The following GAREM1 variants were observed in gnomAD, a reference collection of about 807,000 sequenced individuals.
The protein encoded by GAREM1 is GRB2-associated and regulator of MAPK protein 1.
Under a neutral mutation model 71.3 loss-of-function variants are expected in GAREM1, and 26 were observed. The observed-to-expected ratio is 0.36, with a 90% confidence interval of 0.27 to 0.51. The LOEUF (loss-of-function observed/expected upper bound fraction) is 0.51. Ranked by LOEUF, GAREM1 falls within the 20% of genes least tolerant of loss-of-function variation. The pLI is 0.95. For missense variants in GAREM1, 1,026 were observed against 1,103.1 expected, an observed-to-expected ratio of 0.93 and a Z score of 0.99; for synonymous variants, 440 against 433.2, an observed-to-expected ratio of 1.02 and a Z score of -0.20.
intron 5 of GAREM1, among the ~76,000 whole-genome samples, chr18:32,269,183 C>T (rs2041420672): frequency 6.6e-6 from 1 of 152,178 alleles, no homozygotes; most frequent in South Asian, 2.1e-4. Flanking sequence ...GCTTGTGCTA[C>T]AGTGACATGA....
chr18:32,390,613 C>T (rs10502595), intron 2 of GAREM1, among the ~76,000 whole-genome samples: 10,194 of 152,224 alleles, frequency 0.067, 468 homozygotes, highest in Middle Eastern at 0.12. Flanking sequence ...TAATCCGTCA[C>T]CTTCCTTATG....
intron 2 of GAREM1, among the ~76,000 whole-genome samples, chr18:32,324,340 G>T (rs1240310328): frequency 2.0e-5 from 3 of 152,136 alleles, no homozygotes; most frequent in Admixed American, 2.0e-4. Flanking sequence ...ATTGAAACAT[G>T]ACCCTGTTCT....
chr18:32,381,645 T>A (rs2048099152), intron 2 of GAREM1, among the ~76,000 whole-genome samples: 1 of 152,164 alleles, frequency 6.6e-6, no homozygotes, highest in Non-Finnish European at 1.5e-5. Context: ...CATCTTCTCA[T>A]CCTCCACTCC....
chr18:32,406,500 G>T (rs143072798), intron 1 of GAREM1, among the ~76,000 whole-genome samples: 1 of 152,268 alleles, frequency 6.6e-6, no homozygotes, highest in Non-Finnish European at 1.5e-5. Context: ...GTGGTGGGGG[G>T]AAAGAGGTGA....
intron 2 of GAREM1, among the ~76,000 whole-genome samples, chr18:32,343,517 T>C (rs1434558809): frequency 6.6e-6 from 1 of 151,944 alleles, no homozygotes; most frequent in Admixed American, 6.6e-5. Flanking sequence ...GCCAGACCGG[T>C]CTTGAACTCC....
intron 1 of GAREM1, among the ~76,000 whole-genome samples, chr18:32,421,456 C>G (rs1338171312): frequency 6.6e-6 from 1 of 152,164 alleles, no homozygotes; most frequent in East Asian, 1.9e-4. Flanking sequence ...CTATGAGAAC[C>G]TTCCTAATGC....
At chr18:32,283,536 A>C (rs1181567163) in intron 4 of GAREM1, among the ~76,000 whole-genome samples, 1 of 151,782 alleles carries the variant, frequency 6.6e-6, no homozygotes, top group African/African-American at 2.4e-5. Context: ...ACAGAGCCAG[A>C]CTCTGTCTCA....
At chr18:32,315,092 T>C (rs1188535607) in intron 2 of GAREM1, among the ~76,000 whole-genome samples, 1 of 152,088 alleles carries the variant, frequency 6.6e-6, no homozygotes. Context: ...ACTCATTGAG[T>C]AGTCTACAGA....
At chr18:32,450,133 G>C (rs1419069164) in intron 1 of GAREM1, among the ~76,000 whole-genome samples, 1 of 152,192 alleles carries the variant, frequency 6.6e-6, no homozygotes, top group African/African-American at 2.4e-5. Flanking sequence ...CAACCAGTCA[G>C]AAAATTTTTA....
chr18:32,441,960 C>T (rs1390971171), intron 1 of GAREM1, among the ~76,000 whole-genome samples: 2 of 152,114 alleles, frequency 1.3e-5, no homozygotes, highest in African/African-American at 2.4e-5. Context: ...CTGAAAGCTG[C>T]TTCCATCCAT....
intron 2 of GAREM1, 90 bp from the exon 3 acceptor site, chr18:32,310,413 C>A: frequency 7.5e-7 from 1 of 1,339,164 alleles, no homozygotes; most frequent in Non-Finnish European, 1.0e-6. Flanking sequence ...TTACCCCAGC[C>A]CTTTTTTTGT....
intron 1 of GAREM1, among the ~76,000 whole-genome samples, chr18:32,469,542 T>C (rs1190211157): frequency 6.6e-6 from 1 of 152,222 alleles, no homozygotes. Flanking sequence ...TGCGCAACTA[T>C]GTGTTTGCAG....
intron 1 of GAREM1, among the ~76,000 whole-genome samples, chr18:32,458,266 C>T (rs185327198): frequency 6.6e-6 from 1 of 152,038 alleles, no homozygotes; most frequent in Non-Finnish European, 1.5e-5. Context: ...AATTTATCAA[C>T]AATGAAGTCA....
intron 2 of GAREM1, among the ~76,000 whole-genome samples, chr18:32,331,919 C>A (rs913300419): frequency 7.9e-5 from 12 of 151,878 alleles, no homozygotes; most frequent in Non-Finnish European, 1.8e-4. Flanking sequence ...ACGGCAGGGA[C>A]AGACTGACAG....
chr18:32,391,862 G>C (rs561666355), intron 2 of GAREM1, among the ~76,000 whole-genome samples: 2 of 152,296 alleles, frequency 1.3e-5, no homozygotes, highest in South Asian at 4.1e-4. Flanking sequence ...GGATTTTTGA[G>C]AAGCTAAGTA....
At position 32,270,159 on chromosome 18, in the gene GAREM1, C is replaced by T. The variant is rs993945845; in HGVS notation, c.1733+58G>A. The stretch of plus-strand genomic sequence containing the variant: ...GCTACCGTGAAAATGCTTTCAAGAA[C>T]CCATGAACTGGTGGATGAGAAGATA... On this transcript the variant is annotated intron_variant, in intron 5 of 5. Coordinates refer to ENST00000269209, the MANE Select transcript of GAREM1 (RefSeq NM_001242409.2). The T allele has an allele frequency of 1.9e-6, 3 of 1,564,126 alleles. No homozygotes were observed. The African/African-American group carries it at 4.1e-5, about 21-fold the overall frequency.
chr18:32,432,072 A>C (rs772315460), intron 1 of GAREM1, among the ~76,000 whole-genome samples: 1 of 152,196 alleles, frequency 6.6e-6, no homozygotes, highest in Non-Finnish European at 1.5e-5. Context: ...AAAATTATTC[A>C]AACAGAGAGA....
intron 1 of GAREM1, among the ~76,000 whole-genome samples, chr18:32,467,862 T>C (rs1373111295): frequency 6.6e-6 from 1 of 152,158 alleles, no homozygotes; most frequent in Non-Finnish European, 1.5e-5. Context: ...AGATTTCACC[T>C]ATAACATTTA....
intron 1 of GAREM1, among the ~76,000 whole-genome samples, chr18:32,436,934 G>C (rs72933534): frequency 0.08 from 12,238 of 152,120 alleles, 699 homozygotes; most frequent in African/African-American, 0.16. Context: ...GTCAATAAAT[G>C]TGAAGCCTAC....
Sources: allele counts gnomAD v4.1 joint callset (sites outside exome capture counted in the v4.1 genomes callset), GRCh38; gene constraint gnomAD v4.1.1; transcripts MANE v1.5; gene names NCBI Gene and HGNC (gene_info 2026-07-23, HGNC 2026-07-21).